AFF4: variants seen among roughly 807,000 people sequenced by gnomAD.
The protein encoded by AFF4 is AF4/FMR2 family member 4.
Under a neutral mutation model 124.8 loss-of-function variants are expected in AFF4, and 13 were observed. That is an observed-to-expected ratio of 0.10 (90% CI 0.07 to 0.17). The LOEUF (loss-of-function observed/expected upper bound fraction) is 0.17. AFF4 is among the 10% of genes least tolerant of loss of function. AFF4 has a pLI of 1.00. For missense variants in AFF4, 1,092 were observed against 1,403.8 expected (o/e 0.78, Z 3.55); for synonymous variants, 477 against 496.1 (o/e 0.96, Z 0.51).
At chr5:132,901,103 T>C in intron 7 of AFF4, 1 of 985,442 alleles carries the variant, frequency 1.0e-6, no homozygotes, top group African/African-American at 1.7e-5. Context: ...GACAGGGGCT[T>C]AGTGCATCTA....
intron 20 of AFF4, among the ~76,000 whole-genome samples, chr5:132,882,261 T>G (rs1473359235): frequency 3.3e-5 from 5 of 151,982 alleles, no homozygotes; most frequent in African/African-American, 1.2e-4. Context: ...CTTTCACCAT[T>G]GCCTCTCTTT....
At chr5:132,912,173 C>CAAAAAAA (rs1188332109) in intron 5 of AFF4, among the ~76,000 whole-genome samples, 3 of 64,102 alleles carry the variant, frequency 4.7e-5, no homozygotes, top group African/African-American at 1.0e-4. Context: ...ACTAAAAATA[C>CAAAAAAA]AAAAAAAAAA....
Position 132,904,352 on chromosome 5 carries a change from GGAAA to G in AFF4, c.1087+12_1087+15del, listed in dbSNP as rs530898028. ...AATAGCTTAATTTGAAAACAAAGAG[GGAAA>G]GAAATACTCACTTTGTTCTCCAGTG... On this transcript the variant is annotated intron_variant, in intron 6 of 20. Transcript: ENST00000265343. The G allele has an allele frequency of 5.9e-4, 955 of 1,606,750 alleles. 5 individuals carry two copies. In the African/African-American group the frequency reaches 0.011, roughly 19 times the overall value.
intron 12 of AFF4, 56 bp from the exon 13 acceptor site, chr5:132,892,460 AT>A (rs539613500): frequency 6.5e-7 from 1 of 1,536,372 alleles, no homozygotes; most frequent in African/African-American, 1.4e-5. Context: ...GGGGTAATTG[AT>A]TTTTCCATTT....
Position 132,897,102 on chromosome 5 carries a change from C to G in AFF4, c.1528G>C (p.Gly510Arg). 6.2e-7 allele frequency: 1 copy of G among 1,614,154 alleles called. No individual in the cohort carries two copies. Among genetic ancestry groups the G allele is most frequent in the Non-Finnish European group, 8.5e-7 (1 of 1,180,026 alleles). ...GTATCAGTGTAGCTATTCCCAGTGC[C>G]CTGCTCTCGGCCTTCCTTTTTGTAG... Reference protein sequence around the residue: ...QGYKKEGREQGTGNSYTDTSG... With the variant: ...QGYKKEGREQRTGNSYTDTSG... Residue 510 changes from glycine (G) to arginine (R), a missense_variant, in exon 11 of 21, where the codon GGC becomes CGC. By Grantham distance (125) the Gly-to-Arg change is moderately radical (BLOSUM62 -2). Around this residue, in one of 11 missense-constraint regions of AFF4, gnomAD observed 174 missense variants for 205.9 expected, o/e 0.84. Transcript: ENST00000265343.
At chr5:132,943,131 C>G (rs1761613288) in intron 1 of AFF4, 1 of 173,406 alleles carries the variant, frequency 5.8e-6, no homozygotes, top group African/African-American at 2.4e-5. Context: ...ACTGTGCTAC[C>G]CTGATTGTTG....
At chr5:132,962,348 C>T (rs1762098220) in intron 1 of AFF4, among the ~76,000 whole-genome samples, 2 of 152,218 alleles carry the variant, frequency 1.3e-5, no homozygotes, top group Admixed American at 1.3e-4. Flanking sequence ...AGTGACTGGC[C>T]TTAGTATAAA....
intron 1 of AFF4, among the ~76,000 whole-genome samples, chr5:132,942,006 C>CAA (rs781367169): frequency 2.0e-5 from 2 of 100,748 alleles, no homozygotes; most frequent in African/African-American, 7.4e-5. Flanking sequence ...GACTCCATCT[C>CAA]AAAAAAAAAA....
intron 10 of AFF4, among the ~76,000 whole-genome samples, 154 bp downstream of exon 10, chr5:132,898,076 T>C (rs1320881545): frequency 6.6e-6 from 1 of 152,208 alleles, no homozygotes; most frequent in African/African-American, 2.4e-5. Context: ...CAAGGAACCA[T>C]CTAGATTTCC....
At chr5:132,882,213 CAAAA>C (rs35340388) in intron 20 of AFF4, among the ~76,000 whole-genome samples, 1 of 120,274 alleles carries the variant, frequency 8.3e-6, no homozygotes, top group Admixed American at 8.3e-5. Context: ...AACCCTGTCT[CAAAA>C]AAAAAAAAAA....
In AFF4 at chr5:132,880,136, T is replaced by G; in HGVS notation, c.*923A>C. The stretch of plus-strand genomic sequence containing the variant: ...CAGGCGGCAATCCTCAGGAGTTGGA[T>G]CATCCTTTTTTCCACAGTAACTTAT... On this transcript the variant is annotated 3_prime_UTR_variant, in exon 21 of 21. Coordinates refer to ENST00000265343, the MANE Select transcript of AFF4 (RefSeq NM_014423.4). The G allele has an allele frequency of 2.5e-6, 1 of 398,404 alleles. No individual in the cohort carries two copies. The highest frequency in any genetic ancestry group is 4.4e-6 in the Non-Finnish European group (1 of 225,860). The allele number at this position is 398,404 out of a possible 1,614,324, so 24.7% of individuals were successfully genotyped here.
intron 11 of AFF4, among the ~76,000 whole-genome samples, chr5:132,896,113 A>G (rs2150072140): frequency 6.6e-6 from 1 of 152,362 alleles, no homozygotes; most frequent in South Asian, 2.1e-4. Flanking sequence ...TTATTTCATT[A>G]GCAACTATTC....
chr5:132,898,485 CTT>C (rs886457542), intron 9 of AFF4, 93 bp from the exon 10 acceptor site: 10 of 1,346,758 alleles, frequency 7.4e-6, no homozygotes, highest in South Asian at 2.9e-5. Flanking sequence ...TTTTTTTCTT[CTT>C]GTCTTTTTTT....
At chr5:132,909,733 GT>G (rs1374257013) in intron 5 of AFF4, among the ~76,000 whole-genome samples, 2 of 152,202 alleles carry the variant, frequency 1.3e-5, no homozygotes, top group Non-Finnish European at 2.9e-5. Context: ...GATATTCACA[GT>G]TCCAGACATT....
Position 132,880,471 on chromosome 5 carries a change from C to CTGTATTT in AFF4, c.*587_*588insAAATACA. ...GATTTTTTCATGTGTAGAAGAATAT[C>CTGTATTT]CTTAATACTAACTGTAAATTCCACA... On this transcript the variant is annotated 3_prime_UTR_variant, in exon 21 of 21. Coordinates refer to ENST00000265343, the MANE Select transcript of AFF4 (RefSeq NM_014423.4). The CTGTATTT allele has an allele frequency of 2.5e-6, 1 of 397,312 alleles. No individual in the cohort carries two copies. The allele number at this position is 397,312 out of a possible 1,614,324, so 24.6% of individuals were successfully genotyped here. A position where few individuals can be genotyped will look rare whatever the true frequency, so the allele number is the denominator to read the frequency against.
chr5:132,920,883 T>C (rs1228468171), intron 5 of AFF4, among the ~76,000 whole-genome samples: 2 of 152,160 alleles, frequency 1.3e-5, no homozygotes, highest in East Asian at 3.9e-4. Flanking sequence ...ATCCCAGCAC[T>C]TTGGGAGGCC....
Position 132,899,084 on chromosome 5 carries a change from G to T in AFF4, c.1226+20C>A, listed in dbSNP as rs1394812805. On this transcript the variant is annotated intron_variant, in intron 9 of 20. Coordinates refer to ENST00000265343, the MANE Select transcript of AFF4 (RefSeq NM_014423.4). ...TGACCCAACTCTTACCAATAAAACA[G>T]AAAAGAAAAGGATGCCCACCTTCCT... 2 of 1,610,418 alleles carry T rather than the reference G, an allele frequency of 1.2e-6. No individual in the cohort carries two copies. The highest frequency in any genetic ancestry group is 2.7e-5 in the African/African-American group (2 of 74,920).
At chr5:132,947,973 A>G (rs1169133889) in intron 1 of AFF4, among the ~76,000 whole-genome samples, 1 of 152,232 alleles carries the variant, frequency 6.6e-6, no homozygotes, top group Admixed American at 6.5e-5. Flanking sequence ...TGCTTTCTTC[A>G]TCACATCCTT....
chr5:132,925,218 C>T (rs1389838118), intron 5 of AFF4, among the ~76,000 whole-genome samples: 1 of 150,972 alleles, frequency 6.6e-6, no homozygotes, highest in Non-Finnish European at 1.5e-5. Flanking sequence ...AATACCGGTG[C>T]ATTTTGTATA....
Sources: allele counts gnomAD v4.1 joint callset (sites outside exome capture counted in the v4.1 genomes callset), GRCh38; gene constraint gnomAD v4.1.1; regional missense constraint gnomAD v4.1.1; transcripts MANE v1.5; gene names NCBI Gene and HGNC (gene_info 2026-07-23, HGNC 2026-07-21).